TRPS1: variants seen among roughly 807,000 people sequenced by gnomAD.
TRPS1 encodes the protein transcriptional repressor GATA binding 1.
A neutral mutation model predicts 101.2 loss-of-function variants in TRPS1; 6 were observed. That is an observed-to-expected ratio of 0.06 (90% CI 0.03 to 0.12). The LOEUF (loss-of-function observed/expected upper bound fraction) is 0.12. Ranked by LOEUF, TRPS1 falls within the 10% of genes least tolerant of loss-of-function variation. The probability of loss-of-function intolerance (pLI) is 1.00; values close to 1 mark genes in which losing one functional copy is unlikely to be tolerated. For missense variants in TRPS1, 1,363 were observed against 1,567.0 expected, an observed-to-expected ratio of 0.87 and a Z score of 2.20; for synonymous variants, 578 against 589.8, an observed-to-expected ratio of 0.98 and a Z score of 0.29.
intron 1 of TRPS1, among the ~76,000 whole-genome samples, chr8:115,642,233 AAAAG>A (rs1342455158): frequency 1.9e-3 from 3 of 1,558 alleles, no homozygotes; most frequent in Non-Finnish European, 5.1e-3. Context: ...AAAAAAAAAG[AAAAG>A]AAACCTGTGT....
intron 5 of TRPS1, among the ~76,000 whole-genome samples, chr8:115,445,667 T>C (rs1277848438): frequency 6.6e-6 from 1 of 152,184 alleles, no homozygotes; most frequent in Non-Finnish European, 1.5e-5. Context: ...ACTCAATATA[T>C]AAATTTAAGA....
At position 115,604,389 on chromosome 8, in the gene TRPS1, C is replaced by T. The variant is rs1817982927; in HGVS notation, c.1580G>A (p.Gly527Glu). Residue 527 changes from glycine (G) to glutamate (E), a missense_variant, in exon 4 of 7, where the codon GGA becomes GAA. Around this residue, in one of 5 missense-constraint regions of TRPS1, gnomAD observed 1,020 missense variants for 1,073.0 expected, o/e 0.95. Coordinates refer to ENST00000395715, the MANE Select transcript of TRPS1 (RefSeq NM_014112.5). The surrounding 1 kb of genome is among the most constrained non-coding windows in gnomAD (Gnocchi z 4.1). The part of the protein sequence containing the change: ...GAKKKDFSSK[G>E]AEDNMVTSYN... ...GCTCGTTACCATATTATCCTCGGCT[C>T]CCTTGCTGGAGAAGTCCTTCTTTTT... 6.2e-7 allele frequency: 1 copy of T among 1,614,032 alleles called. No homozygotes were observed. The highest frequency in any genetic ancestry group is 1.1e-5 in the South Asian group (1 of 91,078).
chr8:115,587,408 G>C lies in TRPS1; in HGVS notation c.2293C>G (p.Pro765Ala), dbSNP rs1344478480. 7.4e-6 allele frequency: 12 copies of C among 1,614,066 alleles called. No individual in the cohort carries two copies. The highest frequency in any genetic ancestry group is 1.3e-5 in the African/African-American group (1 of 74,904). ...IDFRVYNLLT[P>A]DSKMGEPVSE... ...ACTGGCTCTCCCATTTTAGAGTCTG[G>C]AGTTAGCAGATTGTAGACCCTGAAG... Residue 765 changes from proline to alanine, a missense_variant, in exon 5 of 7, where the codon CCA becomes GCA. Physicochemically the swap from Pro to Ala is conservative, Grantham distance 27 (BLOSUM62 -1). Around this residue, in one of 5 missense-constraint regions of TRPS1, gnomAD observed 1,020 missense variants for 1,073.0 expected, o/e 0.95. Coordinates refer to ENST00000395715, the MANE Select transcript of TRPS1 (RefSeq NM_014112.5).
At chr8:115,668,314 C>T (rs1328516904) in intron 1 of TRPS1, 3 of 156,132 alleles carry the variant, frequency 1.9e-5, no homozygotes, top group Admixed American at 6.6e-5. Context: ...GAAGCCTGCG[C>T]TTGGCTTTCT....
Position 115,573,438 on chromosome 8 carries a change from C to T in TRPS1, c.2700+13563G>A, listed in dbSNP as rs528061608. Among the ~76,000 whole-genome samples the T allele has an allele frequency of 6.6e-5, 10 of 152,104 alleles. No individual in the cohort carries two copies. The East Asian group carries it at 9.7e-4, about 15-fold the overall frequency. On this transcript the variant is annotated intron_variant, in intron 5 of 6. Coordinates refer to ENST00000395715, the MANE Select transcript of TRPS1 (RefSeq NM_014112.5). Reference sequence around the variant, plus strand: ...AACTCAAAGCCTCTTTTTTGTCACCCGCACATATAAACTTTGCTAACTCTT... The same window carrying T: ...AACTCAAAGCCTCTTTTTTGTCACCTGCACATATAAACTTTGCTAACTCTT...
chr8:115,587,663 TA>T lies in TRPS1; in HGVS notation c.2097-60del, dbSNP rs1376215184. ...GCGTTCTGAAGGGTTGTTTTATTTT[TA>T]ATAGCCTTTAAGCACCTGAATTTTC... On this transcript the variant is annotated intron_variant, in intron 4 of 6. Coordinates refer to ENST00000395715, the MANE Select transcript of TRPS1 (RefSeq NM_014112.5). The T allele has an allele frequency of 3.1e-6, 5 of 1,609,906 alleles. No homozygotes were observed. In the East Asian group the frequency reaches 1.1e-4, roughly 36 times the overall value.
chr8:115,466,088 G>A (rs1814310639), intron 5 of TRPS1, among the ~76,000 whole-genome samples: 3 of 151,830 alleles, frequency 2.0e-5, no homozygotes, highest in Admixed American at 1.3e-4. Flanking sequence ...ATATATTATC[G>A]CCTCAATATT....
At chr8:115,616,766 C>A (rs947551360) in intron 3 of TRPS1, among the ~76,000 whole-genome samples, 1 of 152,120 alleles carries the variant, frequency 6.6e-6, no homozygotes, top group African/African-American at 2.4e-5. Context: ...CTATATATTT[C>A]TGACAAAACT....
intron 5 of TRPS1, among the ~76,000 whole-genome samples, chr8:115,503,343 C>T (rs1815366417): frequency 6.6e-6 from 1 of 151,262 alleles, no homozygotes; most frequent in African/African-American, 2.4e-5. Flanking sequence ...CTGTCCAGGG[C>T]TAGCTGTCAA....
chr8:115,604,418 C>T lies in TRPS1; in HGVS notation c.1551G>A (p.Gly517=). The T allele has an allele frequency of 6.2e-7, 1 of 1,613,990 alleles. No individual in the cohort carries two copies. Among genetic ancestry groups the T allele is most frequent in the Non-Finnish European group, 8.5e-7 (1 of 1,179,968 alleles). The change falls in exon 4 of 7, where the codon GGG becomes GGA. Residue 517 remains glycine (G), a synonymous_variant. Coordinates refer to ENST00000395715, the MANE Select transcript of TRPS1 (RefSeq NM_014112.5). The surrounding 1 kb of genome is among the most constrained non-coding windows in gnomAD (Gnocchi z 4.1). The part of the protein sequence containing the change: ...TMTKTDKSSS[G]AKKKDFSSKG... ...TGCTGGAGAAGTCCTTCTTTTTAGC[C>T]CCACTCGAGCTCTTGTCTGTCTTGG...
intron 5 of TRPS1, among the ~76,000 whole-genome samples, chr8:115,525,346 T>C (rs1316769045): frequency 6.6e-6 from 1 of 152,132 alleles, no homozygotes; most frequent in Non-Finnish European, 1.5e-5. Flanking sequence ...AGAATTTGTC[T>C]ATAGTACAGA....
At position 115,487,004 on chromosome 8, in the gene TRPS1, A is replaced by G. The variant is rs568763490; in HGVS notation, c.2701-68552T>C. ...CCATCTAGGGCTATCATAGCTAGAG[A>G]AGAAAATTCAATGCCTGGACTCAAA... On this transcript the variant is annotated intron_variant, in intron 5 of 6. Transcript: ENST00000395715. Among the ~76,000 whole-genome samples the G allele has an allele frequency of 2.0e-5, 3 of 152,322 alleles. No individual in the cohort carries two copies. The South Asian group carries it at 6.2e-4, about 32-fold the overall frequency.
chr8:115,643,426 T>G (rs563267010), intron 1 of TRPS1, among the ~76,000 whole-genome samples: 68 of 152,364 alleles, frequency 4.5e-4, no homozygotes, highest in African/African-American at 1.6e-3. Context: ...ATTTTGACAA[T>G]GTTCACAGCA....
intron 5 of TRPS1, among the ~76,000 whole-genome samples, chr8:115,499,283 C>T (rs1815242565): frequency 1.3e-5 from 2 of 152,130 alleles, no homozygotes. Flanking sequence ...TAATGTGTTA[C>T]ATTAATGATA....
chr8:115,588,832 T>C (rs2130449555), intron 4 of TRPS1, among the ~76,000 whole-genome samples: 1 of 152,324 alleles, frequency 6.6e-6, no homozygotes, highest in South Asian at 2.1e-4. Flanking sequence ...TAGATAATCA[T>C]CAAAATATTT....
At chr8:115,595,093 T>C (rs1033757652) in intron 4 of TRPS1, among the ~76,000 whole-genome samples, 6 of 152,118 alleles carry the variant, frequency 3.9e-5, no homozygotes, top group Non-Finnish European at 7.4e-5. Context: ...GATTAGACTT[T>C]CAGAGGTTTT....
intron 3 of TRPS1, among the ~76,000 whole-genome samples, chr8:115,606,886 AC>A (rs1458781045): frequency 2.6e-5 from 4 of 152,010 alleles, no homozygotes; most frequent in African/African-American, 9.7e-5. Context: ...CGGAACTTAA[AC>A]TTGATTCAAA....
chr8:115,532,257 T>A (rs943046133), intron 5 of TRPS1, among the ~76,000 whole-genome samples: 3 of 147,648 alleles, frequency 2.0e-5, no homozygotes, highest in African/African-American at 7.5e-5. Flanking sequence ...TTTTTTTTTT[T>A]ACCATACATG....
chr8:115,564,478 G>A (rs935831531), intron 5 of TRPS1, among the ~76,000 whole-genome samples: 3 of 152,010 alleles, frequency 2.0e-5, no homozygotes, highest in Admixed American at 6.6e-5. Flanking sequence ...TTATACAAAC[G>A]ATTGAAGCAA....
Sources: allele counts gnomAD v4.1 joint callset (sites outside exome capture counted in the v4.1 genomes callset), GRCh38; gene constraint gnomAD v4.1.1; regional missense constraint gnomAD v4.1.1; non-coding constraint Gnocchi (gnomAD v3.1); transcripts MANE v1.5; gene names NCBI Gene and HGNC (gene_info 2026-07-23, HGNC 2026-07-21).